EIF2AK3: variants seen among roughly 807,000 people sequenced by gnomAD.
EIF2AK3 encodes eukaryotic translation initiation factor 2 alpha kinase 3.
In EIF2AK3, 50 loss-of-function variants were observed where a neutral mutation model predicts 113.5. The ratio of observed to expected loss-of-function variants is 0.44; its 90% CI spans 0.35 to 0.56. EIF2AK3 has a LOEUF of 0.56. Among genes scored for constraint, EIF2AK3 ranks in the 20% least tolerant of loss-of-function variants. EIF2AK3 has a pLI of 0.00. For synonymous variants in EIF2AK3, 448 were observed against 495.4 expected (o/e 0.90, Z 1.27); for missense variants, 1,185 against 1,378.0 (o/e 0.86, Z 2.22).
intron 1 of EIF2AK3, among the ~76,000 whole-genome samples, chr2:88,616,557 G>T (rs767873837): frequency 6.6e-6 from 1 of 152,078 alleles, no homozygotes; most frequent in Non-Finnish European, 1.5e-5. Context: ...CTCCCAAGTA[G>T]CTGGGATTAC....
chr2:88,570,744 C>G (rs919223687), intron 14 of EIF2AK3, 130 bp downstream of exon 14: 39 of 1,157,530 alleles, frequency 3.4e-5, no homozygotes, highest in Non-Finnish European at 4.4e-5. Context: ...TACTGGAACA[C>G]TACTGCCAGT....
chr2:88,625,000 T>C (rs2103988115), intron 1 of EIF2AK3: 1 of 152,218 alleles, frequency 6.6e-6, no homozygotes, highest in East Asian at 1.9e-4. Flanking sequence ...GAAACATTCC[T>C]TAGGTGTAAT....
intron 1 of EIF2AK3, among the ~76,000 whole-genome samples, chr2:88,620,235 T>G (rs10170763): frequency 0.15 from 22,365 of 152,142 alleles, 2,808 homozygotes; most frequent in African/African-American, 0.35. Context: ...AATCTCATTT[T>G]TCTGCCTCTT....
intron 1 of EIF2AK3, among the ~76,000 whole-genome samples, chr2:88,618,705 G>A (rs1675645180): frequency 6.6e-6 from 1 of 152,330 alleles, no homozygotes; most frequent in South Asian, 2.1e-4. Flanking sequence ...AAGGCATATT[G>A]AACATCTCTG....
chr2:88,574,925 A>C lies in EIF2AK3; in HGVS notation c.2558T>G (p.Leu853Trp). The C allele has an allele frequency of 6.2e-7, 1 of 1,614,204 alleles. No homozygotes were observed. Among genetic ancestry groups the C allele is most frequent in the South Asian group, 1.1e-5 (1 of 91,086 alleles). ...GGTTGGTCTTGGAGGAGAAATAGAC[A>C]ATGTAGCTTCAGAAGAAGATTTGCT... ...TSSKSSSEATLSISPPRPTTL... is the reference protein window; with the variant it reads ...TSSKSSSEATWSISPPRPTTL... Residue 853 changes from leucine to tryptophan, a missense_variant, in exon 13 of 17, where the codon TTG becomes TGG. Leu to Trp is a moderately conservative substitution (Grantham distance 61). Coordinates refer to ENST00000303236, the MANE Select transcript of EIF2AK3 (RefSeq NM_004836.7).
At chr2:88,615,466 T>G (rs927478037) in intron 1 of EIF2AK3, among the ~76,000 whole-genome samples, 1 of 152,184 alleles carries the variant, frequency 6.6e-6, no homozygotes, top group Non-Finnish European at 1.5e-5. Context: ...TCCTCACTTA[T>G]GATATTAATG....
intron 2 of EIF2AK3, among the ~76,000 whole-genome samples, chr2:88,609,499 A>AAGCAATAAAAATGACTG (rs1270879006): frequency 3.9e-5 from 6 of 152,222 alleles, no homozygotes; most frequent in Non-Finnish European, 8.8e-5. Context: ...GTTCTTGATG[A>AAGCAATAAAAATGACTG]AGCAATAAAA....
In EIF2AK3 at chr2:88,627,343, C is replaced by A. The variant is rs1675898242; in HGVS notation, c.-69G>T. On this transcript the variant is annotated 5_prime_UTR_variant, in exon 1 of 17. Coordinates refer to ENST00000303236, the MANE Select transcript of EIF2AK3 (RefSeq NM_004836.7). ...CGCCTGCCTCTCCCGCCGCTTGGAG[C>A]TCCCAAGAAGGCAAGGACGTGCTAG... 7.1e-7 allele frequency: 1 copy of A among 1,414,676 alleles called. No individual in the cohort carries two copies. The highest frequency in any genetic ancestry group is 9.2e-7 in the Non-Finnish European group (1 of 1,083,456). The allele number at this position is 1,414,676 out of a possible 1,614,324, so 87.6% of individuals were successfully genotyped here.
chr2:88,602,650 T>A (rs2104454384), intron 2 of EIF2AK3, among the ~76,000 whole-genome samples: 1 of 152,282 alleles, frequency 6.6e-6, no homozygotes, highest in South Asian at 2.1e-4. Flanking sequence ...AAATAATTCT[T>A]ACAACTTACA....
chr2:88,622,700 T>C (rs1675756388), intron 1 of EIF2AK3, among the ~76,000 whole-genome samples: 1 of 152,208 alleles, frequency 6.6e-6, no homozygotes, highest in South Asian at 2.1e-4. Context: ...AGTCTGGAGT[T>C]GGGTGAGTGA....
At chr2:88,596,190 T>C (rs147829109) in intron 2 of EIF2AK3, among the ~76,000 whole-genome samples, 95 of 152,294 alleles carry the variant, frequency 6.2e-4, no homozygotes, top group Middle Eastern at 3.4e-3. Context: ...GAGATACTGA[T>C]TCAAGTAGTG....
At chr2:88,601,394 C>G (rs1018833365) in intron 2 of EIF2AK3, among the ~76,000 whole-genome samples, 1 of 152,216 alleles carries the variant, frequency 6.6e-6, no homozygotes, top group Non-Finnish European at 1.5e-5. Flanking sequence ...CTACGCACTT[C>G]CTATTACATT....
At chr2:88,589,716 T>C (rs944665231) in intron 6 of EIF2AK3, among the ~76,000 whole-genome samples, 6 of 151,352 alleles carry the variant, frequency 4.0e-5, no homozygotes, top group Non-Finnish European at 5.9e-5. Context: ...CAGAGTGTTG[T>C]CCTGTCACCC....
At chr2:88,580,703 G>C (rs1281856781) in intron 10 of EIF2AK3, among the ~76,000 whole-genome samples, 1 of 152,136 alleles carries the variant, frequency 6.6e-6, no homozygotes, top group African/African-American at 2.4e-5. Context: ...ATAAGGGTAA[G>C]TTTATGACTT....
intron 15 of EIF2AK3, among the ~76,000 whole-genome samples, chr2:88,561,618 G>A (rs1673961927): frequency 6.6e-6 from 1 of 152,202 alleles, no homozygotes; most frequent in African/African-American, 2.4e-5. Context: ...ACTTTGGGAG[G>A]CCAAGGCAGG....
intron 15 of EIF2AK3, among the ~76,000 whole-genome samples, chr2:88,560,231 C>T (rs1673913007): frequency 6.6e-6 from 1 of 152,100 alleles, no homozygotes; most frequent in Non-Finnish European, 1.5e-5. Flanking sequence ...CATCTTTTCA[C>T]ATGCTTATTG....
rs751527003 is a variant in EIF2AK3, at chr2:88,613,846, C to G, written c.316G>C (p.Val106Leu). 2 of 1,612,184 alleles carry G rather than the reference C, an allele frequency of 1.2e-6. No individual in the cohort carries two copies. The highest frequency in any genetic ancestry group is 1.1e-5 in the South Asian group (1 of 91,038). ...CTCCCATCTAAAGTGCTGATAATTACTAATGACCTGTAAATATTAAAAATA... is the reference window on the plus strand; with the variant it reads ...CTCCCATCTAAAGTGCTGATAATTAGTAATGACCTGTAAATATTAAAAATA... ...TELRPRGRSL[V>L]IISTLDGRIA... Residue 106 changes from valine (V) to leucine (L), a missense_variant, in exon 2 of 17, where the codon GTA (valine) becomes CTA (leucine). Physicochemically the swap from Val to Leu is conservative, Grantham distance 32 (BLOSUM62 1). Coordinates refer to ENST00000303236, the MANE Select transcript of EIF2AK3 (RefSeq NM_004836.7).
At chr2:88,601,834 CTTTTTTTT>C (rs59987968) in intron 2 of EIF2AK3, among the ~76,000 whole-genome samples, 1 of 74,858 alleles carries the variant, frequency 1.3e-5, no homozygotes, top group African/African-American at 5.3e-5. Flanking sequence ...TAAGATTTTT[CTTTTTTTT>C]TTTTTTTTTT....
At chr2:88,566,271 C>T (rs989774011) in intron 14 of EIF2AK3, among the ~76,000 whole-genome samples, 1 of 152,154 alleles carries the variant, frequency 6.6e-6, no homozygotes, top group African/African-American at 2.4e-5. Flanking sequence ...TGAAAACTTC[C>T]TATAGATTTC....
Sources: gnomAD v4.1 joint callset for allele counts (sites outside exome capture counted in the v4.1 genomes callset) on GRCh38, gnomAD v4.1.1 for gene constraint, MANE v1.5 for transcripts, NCBI Gene and HGNC (gene_info 2026-07-23, HGNC 2026-07-21) for gene names.